Variants in SEZ6L observed in about 807,000 individuals in gnomAD.
SEZ6L encodes the protein seizure 6-like protein.
A neutral mutation model predicts 106.2 loss-of-function variants in SEZ6L; 37 were observed. The ratio of observed to expected loss-of-function variants is 0.35; its 90% confidence interval spans 0.27 to 0.46. The LOEUF (loss-of-function observed/expected upper bound fraction) is 0.46. SEZ6L is among the 20% of genes least tolerant of loss of function. The pLI is 1.00. For missense variants in SEZ6L, 1,172 were observed against 1,332.8 expected (o/e 0.88, Z 1.88); for synonymous variants, 541 against 570.4 (o/e 0.95, Z 0.73).
At chr22:26,372,148 T>C (rs1224898452) in intron 13 of SEZ6L, among the ~76,000 whole-genome samples, 1 of 152,164 alleles carries the variant, frequency 6.6e-6, no homozygotes, top group Non-Finnish European at 1.5e-5. Context: ...GAGGAGCCAG[T>C]GAGCCCACTG....
At chr22:26,258,134 T>C (rs538640361) in intron 1 of SEZ6L, among the ~76,000 whole-genome samples, 1 of 152,230 alleles carries the variant, frequency 6.6e-6, no homozygotes, top group African/African-American at 2.4e-5. Context: ...TGGAGAGCTA[T>C]GGAGGAGAGA....
Position 26,294,331 on chromosome 22 carries a change from T to C in SEZ6L, c.875T>C (p.Ile292Thr). The part of the protein sequence containing the change: ...SVSFSNPEGY[I>T]DSSDYPLLPL... ...AGCTTCTCCAATCCTGAGGGGTACA[T>C]TGACTCCAGCGACTACCCACTGCTG... Residue 292 changes from isoleucine (I) to threonine (T), a missense_variant, in exon 3 of 17, where the codon ATT (isoleucine) becomes ACT (threonine). Physicochemically the swap from Ile to Thr is moderately conservative, Grantham distance 89. This residue lies in a region of SEZ6L where 494 missense variants were observed against 445.8 expected (regional missense o/e 1.11). Coordinates refer to ENST00000248933, the MANE Select transcript of SEZ6L (RefSeq NM_021115.5). 6.2e-7 allele frequency: 1 copy of C among 1,614,136 alleles called. No homozygotes were observed. The highest frequency in any genetic ancestry group is 8.5e-7 in the Non-Finnish European group (1 of 1,180,014).
At chr22:26,346,471 T>C (rs1601565534) in intron 10 of SEZ6L, among the ~76,000 whole-genome samples, 1 of 152,272 alleles carries the variant, frequency 6.6e-6, no homozygotes, top group Non-Finnish European at 1.5e-5. Context: ...CCTATTGCTG[T>C]GTCATAGATT....
At chr22:26,341,881 T>C (rs2082848612) in intron 10 of SEZ6L, among the ~76,000 whole-genome samples, 1 of 152,180 alleles carries the variant, frequency 6.6e-6, no homozygotes, top group African/African-American at 2.4e-5. Flanking sequence ...ACTACCAACA[T>C]TCCCAGATGT....
chr22:26,337,723 A>G (rs3788391), intron 9 of SEZ6L, among the ~76,000 whole-genome samples: 33,371 of 151,986 alleles, frequency 0.22, 4,119 homozygotes, highest in Admixed American at 0.35. Flanking sequence ...GAGTCTGGGG[A>G]TTTTGTCTTG....
intron 1 of SEZ6L, among the ~76,000 whole-genome samples, chr22:26,225,521 C>T (rs139918425): frequency 2.0e-5 from 3 of 152,222 alleles, no homozygotes; most frequent in African/African-American, 4.8e-5. Context: ...CCAGCATCCA[C>T]GGCTGAGGAG....
intron 9 of SEZ6L, among the ~76,000 whole-genome samples, chr22:26,328,915 C>T (rs2082399303): frequency 6.6e-6 from 1 of 152,128 alleles, no homozygotes. Context: ...GGAGAACCCC[C>T]TGGGAATGGG....
chr22:26,178,132 A>C (rs1296034251), intron 1 of SEZ6L, among the ~76,000 whole-genome samples: 3 of 152,202 alleles, frequency 2.0e-5, no homozygotes, highest in Non-Finnish European at 4.4e-5. Context: ...CCCACATGGG[A>C]CATTTACATT....
At chr22:26,325,013 T>C (rs1007809827) in intron 9 of SEZ6L, among the ~76,000 whole-genome samples, 1 of 152,178 alleles carries the variant, frequency 6.6e-6, no homozygotes, top group Non-Finnish European at 1.5e-5. Flanking sequence ...GGGTTGGCTG[T>C]CGTGGTCTAG....
intron 7 of SEZ6L, 24 bp downstream of exon 7, chr22:26,310,860 T>G (rs666999): frequency 1.2e-6 from 2 of 1,608,404 alleles, no homozygotes; most frequent in African/African-American, 2.7e-5. Context: ...GGAGCTTCCC[T>G]TTCTCTTGTG....
rs199509836 is a variant in SEZ6L, at chr22:26,209,764, C to CGAGGGA, written c.94+40003_94+40008dup. 8.7e-3 allele frequency among the ~76,000 whole-genome samples: 835 copies of CGAGGGA among 95,676 alleles called. 17 individuals are homozygous for CGAGGGA. Among genetic ancestry groups the CGAGGGA allele is most frequent in the African/African-American group, 0.033 (775 of 23,802 alleles). The allele number at this position is 95,676 out of a possible 152,430, so 62.8% of individuals were successfully genotyped here. On this transcript the variant is annotated intron_variant, in intron 1 of 16. Coordinates refer to ENST00000248933, the MANE Select transcript of SEZ6L (RefSeq NM_021115.5). The stretch of plus-strand genomic sequence containing the variant: ...GGGAGAGAGGAGAGAAGGAAGGAAG[C>CGAGGGA]GAGGGAGGGAGGGAAGAAGGAGGAA...
rs992975194 is a variant in SEZ6L, at chr22:26,212,230, C to T, written c.94+42467C>T. ...ACACATGGCCTTTCAGATCATGGCA[C>T]GGGGCCTGGTCTTTATCATAAACAG... On this transcript the variant is annotated intron_variant, in intron 1 of 16. Transcript: ENST00000248933. Among the ~76,000 whole-genome samples, 7 of 152,092 alleles carry T rather than the reference C, an allele frequency of 4.6e-5. No homozygotes were observed. In the East Asian group the frequency reaches 9.6e-4, roughly 21 times the overall value.
chr22:26,294,537 C>A, intron 3 of SEZ6L, 112 bp downstream of exon 3: 1 of 1,034,348 alleles, frequency 9.7e-7, no homozygotes, highest in Non-Finnish European at 1.4e-6. Flanking sequence ...TGTCTTTGCC[C>A]AACCAGGCCA....
chr22:26,218,663 G>A (rs994874881), intron 1 of SEZ6L, among the ~76,000 whole-genome samples: 4 of 152,218 alleles, frequency 2.6e-5, no homozygotes, highest in Admixed American at 1.3e-4. Flanking sequence ...TTAGCTGGGT[G>A]TAGTGGTGCA....
At chr22:26,236,959 CCCCTTT>C (rs2078975235) in intron 1 of SEZ6L, among the ~76,000 whole-genome samples, 1 of 152,124 alleles carries the variant, frequency 6.6e-6, no homozygotes, top group Non-Finnish European at 1.5e-5. Flanking sequence ...GTCTCTGCTC[CCCCTTT>C]CATTCTCTGC....
chr22:26,307,962 C>T (rs1327037338), intron 6 of SEZ6L, among the ~76,000 whole-genome samples: 1 of 152,140 alleles, frequency 6.6e-6, no homozygotes, highest in African/African-American at 2.4e-5. Flanking sequence ...CATGAGCTGA[C>T]ACTTACCAGG....
intron 9 of SEZ6L, among the ~76,000 whole-genome samples, chr22:26,333,181 G>T (rs1306025311): frequency 6.6e-6 from 1 of 152,246 alleles, no homozygotes; most frequent in Non-Finnish European, 1.5e-5. Context: ...TGAAGGGGCT[G>T]CAGAATGTGC....
At chr22:26,187,001 C>T (rs1939826188) in intron 1 of SEZ6L, among the ~76,000 whole-genome samples, 1 of 152,194 alleles carries the variant, frequency 6.6e-6, no homozygotes, top group Non-Finnish European at 1.5e-5. Flanking sequence ...GTTAATTCTA[C>T]CTCACACCTC....
At chr22:26,203,427 A>T (rs1339888262) in intron 1 of SEZ6L, among the ~76,000 whole-genome samples, 1 of 152,184 alleles carries the variant, frequency 6.6e-6, no homozygotes, top group Non-Finnish European at 1.5e-5. Context: ...GCTCTCTGAG[A>T]TGAGGGTTGT....
Sources: allele counts gnomAD v4.1 joint callset (sites outside exome capture counted in the v4.1 genomes callset), GRCh38; gene constraint gnomAD v4.1.1; regional missense constraint gnomAD v4.1.1; transcripts MANE v1.5; gene names NCBI Gene and HGNC (gene_info 2026-07-23, HGNC 2026-07-21).